The following OTOGL variants were observed in gnomAD, a reference collection of about 807,000 sequenced individuals.
OTOGL encodes the protein otogelin-like protein.
In OTOGL, 285 loss-of-function variants were observed where a neutral mutation model predicts 318.5. The observed-to-expected ratio is 0.89, with a 90% confidence interval of 0.81 to 0.99. The LOEUF is 0.99. OTOGL is among the 50% of genes least tolerant of loss of function. OTOGL has a pLI of 0.00. For missense variants in OTOGL, 2,899 were observed against 2,845.6 expected, an observed-to-expected ratio of 1.02 and a Z score of -0.43; for synonymous variants, 987 against 936.5, an observed-to-expected ratio of 1.05 and a Z score of -0.99.
chr12:80,156,825 G>T (rs187079713), intron 1 of OTOGL, among the ~76,000 whole-genome samples: 1 of 152,176 alleles, frequency 6.6e-6, no homozygotes, highest in African/African-American at 2.4e-5. Flanking sequence ...TTTATCAGCA[G>T]CATGAAAATG....
At chr12:80,315,487 A>G (rs1886909854) in intron 32 of OTOGL, among the ~76,000 whole-genome samples, 1 of 152,160 alleles carries the variant, frequency 6.6e-6, no homozygotes, top group Non-Finnish European at 1.5e-5. Flanking sequence ...TTGCAAATCT[A>G]TTTAATGAGG....
At chr12:80,320,293 T>C in intron 33 of OTOGL, 129 bp from the exon 34 acceptor site, 1 of 790,598 alleles carries the variant, frequency 1.3e-6, no homozygotes, top group Admixed American at 3.7e-5. Context: ...TGTGAAATCT[T>C]AGTTATTGGC....
chr12:80,285,741 GA>G (rs1217779249), intron 26 of OTOGL, among the ~76,000 whole-genome samples: 2 of 152,162 alleles, frequency 1.3e-5, no homozygotes, highest in Non-Finnish European at 2.9e-5. Flanking sequence ...AGACTTTGCT[GA>G]AGTTGCTTAT....
chr12:80,197,161 G>A (rs528402193), intron 1 of OTOGL, among the ~76,000 whole-genome samples: 2 of 152,220 alleles, frequency 1.3e-5, no homozygotes, highest in Admixed American at 6.5e-5. Context: ...TAACTTGGTA[G>A]CCCGCCATTT....
chr12:80,277,414 C>A (rs1273720495), intron 24 of OTOGL, among the ~76,000 whole-genome samples: 1 of 147,010 alleles, frequency 6.8e-6, no homozygotes, highest in Non-Finnish European at 1.5e-5. Context: ...AGATAACACA[C>A]CAAAATTAAT....
intron 34 of OTOGL, 109 bp from the exon 35 acceptor site, chr12:80,323,614 G>T (rs978104248): frequency 7.3e-6 from 6 of 819,296 alleles, no homozygotes; most frequent in Non-Finnish European, 1.2e-5. Flanking sequence ...GTGCCACTGC[G>T]CTCGAGCCTG....
Position 80,377,143 on chromosome 12 carries a change from T to C in OTOGL, c.6802T>C (p.Cys2268Arg), listed in dbSNP as rs1209025163. Residue 2268 changes from cysteine (C) to arginine (R), a missense_variant, in exon 58 of 59, where the codon TGC becomes CGC. Transcript: ENST00000547103. ...CKICKREERI[C>R]QKVIIKSVIR... The stretch of plus-strand genomic sequence containing the variant: ...ATCAGGCAAACGAGAAGAAAGAATA[T>C]GCCAGAAAGTGATCATTAAATCGGT... 1.9e-6 allele frequency: 3 copies of C among 1,607,662 alleles called. No individual in the cohort carries two copies. Among genetic ancestry groups the C allele is most frequent in the Non-Finnish European group, 2.6e-6 (3 of 1,176,470 alleles).
At chr12:80,251,109 G>T (rs1881503453) in intron 11 of OTOGL, among the ~76,000 whole-genome samples, 1 of 152,172 alleles carries the variant, frequency 6.6e-6, no homozygotes, top group Non-Finnish European at 1.5e-5. Flanking sequence ...ACTGGATAAA[G>T]AAAATGTGGC....
At chr12:80,349,313 T>C (rs573847158) in intron 44 of OTOGL, among the ~76,000 whole-genome samples, 23 of 152,302 alleles carry the variant, frequency 1.5e-4, no homozygotes, top group African/African-American at 5.5e-4. Context: ...TCATTTAATT[T>C]TCACAGCAGT....
intron 1 of OTOGL, among the ~76,000 whole-genome samples, chr12:80,170,178 G>GGTGTGTGTGT (rs532627744): frequency 1.6e-4 from 23 of 144,064 alleles, no homozygotes; most frequent in African/African-American, 6.0e-4. Context: ...CTTTGTCAGG[G>GGTGTGTGTGT]GTGTGTGTGT....
intron 19 of OTOGL, among the ~76,000 whole-genome samples, chr12:80,263,488 A>G (rs1882707742): frequency 6.6e-6 from 1 of 152,014 alleles, no homozygotes; most frequent in Non-Finnish European, 1.5e-5. Context: ...TGTCTTTTAA[A>G]TATATACATA....
chr12:80,218,768 TA>T (rs1477791905), intron 5 of OTOGL, among the ~76,000 whole-genome samples: 9 of 150,984 alleles, frequency 6.0e-5, no homozygotes, highest in African/African-American at 2.2e-4. Context: ...AATTTAAGTA[TA>T]GATTTCTTTT....
intron 8 of OTOGL, among the ~76,000 whole-genome samples, chr12:80,229,991 G>A (rs1489164998): frequency 6.7e-6 from 1 of 149,770 alleles, no homozygotes; most frequent in African/African-American, 2.5e-5. Flanking sequence ...TTTGGTGGAA[G>A]GTTTTTTTTT....
intron 52 of OTOGL, among the ~76,000 whole-genome samples, chr12:80,366,007 T>A (rs1890505145): frequency 6.6e-6 from 1 of 152,106 alleles, no homozygotes; most frequent in South Asian, 2.1e-4. Flanking sequence ...TCTACAGGAC[T>A]TTCTGTGTGT....
Position 80,271,796 on chromosome 12 carries a change from T to C in OTOGL, c.2667T>C (p.Cys889=). 6.2e-7 allele frequency: 1 copy of C among 1,612,668 alleles called. No individual in the cohort carries two copies. The highest frequency in any genetic ancestry group is 1.7e-4 in the Middle Eastern group (1 of 6,046). Reference sequence around the variant, plus strand: ...CATCCTCACCCTGTATAAGTGGCTGTGTTTGTGCTCCAGGGTAAGCCTCTT... The same window carrying C: ...CATCCTCACCCTGTATAAGTGGCTGCGTTTGTGCTCCAGGGTAAGCCTCTT... The part of the protein sequence containing the change: ...CTPSSPCISG[C]VCAPGMAEHR... Residue 889 remains cysteine (C), a synonymous_variant, in exon 24 of 59, where the codon TGT becomes TGC. Coordinates refer to ENST00000547103, the MANE Select transcript of OTOGL (RefSeq NM_001378609.3).
intron 1 of OTOGL, among the ~76,000 whole-genome samples, chr12:80,197,109 C>G (rs1361020739): frequency 6.6e-6 from 1 of 152,192 alleles, no homozygotes; most frequent in Non-Finnish European, 1.5e-5. Flanking sequence ...GATAATAACT[C>G]TTTCAGCCAA....
chr12:80,206,252 A>G (rs1876800695), intron 1 of OTOGL, among the ~76,000 whole-genome samples: 1 of 152,074 alleles, frequency 6.6e-6, no homozygotes, highest in Non-Finnish European at 1.5e-5. Context: ...ACTCTCTTCT[A>G]TTGCAGCTAT....
intron 1 of OTOGL, among the ~76,000 whole-genome samples, chr12:80,145,735 G>T (rs1333052061): frequency 6.6e-6 from 1 of 151,834 alleles, no homozygotes; most frequent in East Asian, 1.9e-4. Context: ...TTATTTCATT[G>T]AGCAGTGGTT....
intron 1 of OTOGL, among the ~76,000 whole-genome samples, chr12:80,126,100 CT>C (rs1870817634): frequency 2.0e-5 from 3 of 152,164 alleles, no homozygotes; most frequent in African/African-American, 7.2e-5. Flanking sequence ...TGTGTTTGCT[CT>C]TGCTTCTCTA....
Sources: allele counts gnomAD v4.1 joint callset (sites outside exome capture counted in the v4.1 genomes callset), GRCh38; gene constraint gnomAD v4.1.1; transcripts MANE v1.5; gene names NCBI Gene and HGNC (gene_info 2026-07-23, HGNC 2026-07-21).